GATAD2A: variants seen among roughly 807,000 people sequenced by gnomAD.
GATAD2A encodes GATA zinc finger domain containing 2A, also known as transcriptional repressor p66-alpha.
A neutral mutation model predicts 68.5 loss-of-function variants in GATAD2A; 12 were observed. The ratio of observed to expected loss-of-function variants is 0.18; its 90% confidence interval spans 0.11 to 0.28. The LOEUF is 0.28. GATAD2A is among the 10% of genes least tolerant of loss of function. The probability of loss-of-function intolerance (pLI) is 1.00; values close to 1 mark genes in which losing one functional copy is unlikely to be tolerated. For synonymous variants in GATAD2A, 410 were observed against 375.3 expected, an observed-to-expected ratio of 1.09 and a Z score of -1.07; for missense variants, 755 against 868.5, an observed-to-expected ratio of 0.87 and a Z score of 1.64.
At chr19:19,474,890 T>G (rs943203793) in intron 2 of GATAD2A, among the ~76,000 whole-genome samples, 1 of 152,200 alleles carries the variant, frequency 6.6e-6, no homozygotes, top group Non-Finnish European at 1.5e-5. Flanking sequence ...GAGGTTGAGG[T>G]CCAGACTTGG....
intron 1 of GATAD2A, among the ~76,000 whole-genome samples, chr19:19,427,038 C>A (rs911800216): frequency 1.2e-4 from 18 of 151,616 alleles, no homozygotes; most frequent in Non-Finnish European, 2.2e-4. Flanking sequence ...AGAAGTCAGG[C>A]TCAAAAAGAC....
chr19:19,444,657 G>A (rs1041220998), intron 1 of GATAD2A, among the ~76,000 whole-genome samples: 3 of 152,096 alleles, frequency 2.0e-5, no homozygotes, highest in Non-Finnish European at 2.9e-5. Context: ...GATCTCTTGG[G>A]CCCAGGAATT....
At chr19:19,406,796 A>C (rs1175926246) in intron 1 of GATAD2A, among the ~76,000 whole-genome samples, 2 of 152,176 alleles carry the variant, frequency 1.3e-5, no homozygotes, top group Non-Finnish European at 2.9e-5. Flanking sequence ...CCAGGCTGAG[A>C]GCCTGACGGA....
intron 11 of GATAD2A, 34 bp from the exon 12 acceptor site, chr19:19,505,310 G>A: frequency 6.2e-7 from 1 of 1,608,758 alleles, no homozygotes; most frequent in Non-Finnish European, 8.5e-7. Flanking sequence ...TCCTGACGAG[G>A]GCCTTCTCAG....
chr19:19,500,088 A>G lies in GATAD2A; in HGVS notation c.1205-1030A>G, dbSNP rs146925359. On this transcript the variant is annotated intron_variant, in intron 8 of 11. Transcript: ENST00000683918. ...ACCAGTCTGTCTCTGCCGTTCCCTC[A>G]TCAGGGCTCAGTCTCCCTCTCCTGT... is the stretch of plus-strand genomic sequence containing the variant. Among the ~76,000 whole-genome samples, 1,367 of 152,320 alleles carry G rather than the reference A, an allele frequency of 9.0e-3. 27 individuals are homozygous for G. The highest frequency in any genetic ancestry group is 0.031 in the African/African-American group (1,272 of 41,574).
rs138330331 is a variant in GATAD2A at position 19,415,585 on chromosome 19, G to A, written c.-7+9566G>A. On this transcript the variant is annotated intron_variant, in intron 1 of 11. Coordinates refer to ENST00000683918, the MANE Select transcript of GATAD2A (RefSeq NM_001384528.1). Reference sequence around the variant, plus strand: ...CTGCCCCAGCCTCCCAAGTAGCTGCGATTACAGGCGTGCGCCACCATGCCG... The same window carrying A: ...CTGCCCCAGCCTCCCAAGTAGCTGCAATTACAGGCGTGCGCCACCATGCCG... 4.6e-3 allele frequency among the ~76,000 whole-genome samples: 698 copies of A among 150,748 alleles called. 4 individuals carry two copies. The highest frequency in any genetic ancestry group is 0.016 in the African/African-American group (666 of 40,790).
chr19:19,477,767 G>A (rs1385923568), intron 2 of GATAD2A, among the ~76,000 whole-genome samples: 2 of 152,112 alleles, frequency 1.3e-5, no homozygotes. Flanking sequence ...GGAGAGAGGT[G>A]GCCAACTTGC....
At chr19:19,421,733 C>T (rs2052440961) in intron 1 of GATAD2A, among the ~76,000 whole-genome samples, 1 of 152,146 alleles carries the variant, frequency 6.6e-6, no homozygotes, top group Admixed American at 6.5e-5. Context: ...CCGTCTTACT[C>T]TGGGGGTGAT....
chr19:19,465,983 C>A (rs915060847), intron 2 of GATAD2A, among the ~76,000 whole-genome samples: 2 of 152,310 alleles, frequency 1.3e-5, no homozygotes, highest in East Asian at 1.9e-4. Context: ...CTTTTCAGAT[C>A]TAGAGGTCAG....
At chr19:19,441,447 G>A (rs986867486) in intron 1 of GATAD2A, among the ~76,000 whole-genome samples, 7 of 152,080 alleles carry the variant, frequency 4.6e-5, no homozygotes, top group Non-Finnish European at 1.0e-4. Flanking sequence ...GGAGTGCAGT[G>A]GTGTGATCAT....
intron 1 of GATAD2A, among the ~76,000 whole-genome samples, chr19:19,421,448 G>T (rs1252182162): frequency 6.6e-6 from 1 of 152,166 alleles, no homozygotes; most frequent in Non-Finnish European, 1.5e-5. Flanking sequence ...GGGTTGTCTA[G>T]GCAGCGCTGT....
At chr19:19,417,077 A>T (rs1221841145) in intron 1 of GATAD2A, among the ~76,000 whole-genome samples, 1 of 152,186 alleles carries the variant, frequency 6.6e-6, no homozygotes, top group Non-Finnish European at 1.5e-5. Flanking sequence ...CTTATTTTTT[A>T]AAGTTAATCC....
chr19:19,488,189 G>A (rs1003026753), intron 2 of GATAD2A, among the ~76,000 whole-genome samples: 1 of 152,192 alleles, frequency 6.6e-6, no homozygotes, highest in African/African-American at 2.4e-5. Flanking sequence ...CGGTGACAGC[G>A]GTGGTCAGAC....
intron 1 of GATAD2A, among the ~76,000 whole-genome samples, chr19:19,409,327 A>G (rs1167731085): frequency 6.6e-6 from 1 of 152,130 alleles, no homozygotes; most frequent in African/African-American, 2.4e-5. Context: ...TAGGAAGATT[A>G]TGAAATAGGT....
At chr19:19,495,438 A>G (rs1191402085) in intron 5 of GATAD2A, among the ~76,000 whole-genome samples, 5 of 151,970 alleles carry the variant, frequency 3.3e-5, no homozygotes, top group Non-Finnish European at 7.4e-5. Flanking sequence ...CCTTCTGAGT[A>G]GCTGGGACTA....
At chr19:19,501,483 C>A in intron 9 of GATAD2A, 67 bp downstream of exon 9, 1 of 1,237,872 alleles carries the variant, frequency 8.1e-7, no homozygotes, top group Non-Finnish European at 1.1e-6. Context: ...ATCCACCCCA[C>A]GCCTGCGCTG....
chr19:19,436,529 C>T (rs927908587), intron 1 of GATAD2A, among the ~76,000 whole-genome samples: 2 of 152,266 alleles, frequency 1.3e-5, no homozygotes, highest in Non-Finnish European at 2.9e-5. Context: ...GGCCTTTGCC[C>T]TCTGGCCATT....
intron 7 of GATAD2A, 75 bp from the exon 8 acceptor site, chr19:19,498,368 G>C: frequency 7.0e-7 from 1 of 1,420,388 alleles, no homozygotes; most frequent in Non-Finnish European, 9.6e-7. Context: ...ACAGGACCTC[G>C]GGCTTCGGGG....
At chr19:19,412,047 T>C (rs1454492005) in intron 1 of GATAD2A, among the ~76,000 whole-genome samples, 1 of 151,020 alleles carries the variant, frequency 6.6e-6, no homozygotes, top group East Asian at 1.9e-4. Flanking sequence ...GAGACCCGCC[T>C]GGGCAATGTA....
Sources: allele counts gnomAD v4.1 joint callset (sites outside exome capture counted in the v4.1 genomes callset), GRCh38; gene constraint gnomAD v4.1.1; transcripts MANE v1.5; gene names NCBI Gene and HGNC (gene_info 2026-07-23, HGNC 2026-07-21).